The following PCSK2 variants were observed in gnomAD, a reference collection of about 807,000 sequenced individuals.
PCSK2 encodes neuroendocrine convertase 2.
In PCSK2, 14 loss-of-function variants were observed where a neutral mutation model predicts 69.7. That is an observed-to-expected ratio of 0.20 (90% confidence interval 0.13 to 0.31). The LOEUF (loss-of-function observed/expected upper bound fraction) is 0.31, where lower values mean the gene tolerates loss of function less well. PCSK2 is among the 10% of genes least tolerant of loss of function. The probability of loss-of-function intolerance (pLI) is 1.00; values close to 1 mark genes in which losing one functional copy is unlikely to be tolerated. For missense variants in PCSK2, 544 were observed against 842.5 expected, an observed-to-expected ratio of 0.65 and a Z score of 4.39; for synonymous variants, 307 against 320.7, an observed-to-expected ratio of 0.96 and a Z score of 0.46.
At chr20:17,315,928 C>A (rs1486712071) in intron 2 of PCSK2, among the ~76,000 whole-genome samples, 1 of 152,212 alleles carries the variant, frequency 6.6e-6, no homozygotes, top group Non-Finnish European at 1.5e-5. Flanking sequence ...TGCGTCCACT[C>A]CCCAGGGTTA....
Position 17,365,857 on chromosome 20 carries a change from G to T in PCSK2, c.506-3383G>T, listed in dbSNP as rs73255659. Among the ~76,000 whole-genome samples the T allele has an allele frequency of 2.9e-3, 447 of 152,346 alleles. 3 individuals carry two copies. Among genetic ancestry groups the T allele is most frequent in the African/African-American group, 0.01 (429 of 41,588 alleles). ...ACCTTCTGGACACACTGGGGTGGGA[G>T]CTGGGCCTCCAAGGCTCCTAATGAC... On this transcript the variant is annotated intron_variant, in intron 4 of 11. Coordinates refer to ENST00000262545, the MANE Select transcript of PCSK2 (RefSeq NM_002594.5).
chr20:17,279,093 C>A (rs901157819), intron 2 of PCSK2, among the ~76,000 whole-genome samples: 5 of 152,182 alleles, frequency 3.3e-5, no homozygotes, highest in African/African-American at 1.2e-4. Flanking sequence ...CAGGAATTCC[C>A]TGTTGGCTGG....
intron 2 of PCSK2, among the ~76,000 whole-genome samples, chr20:17,327,597 G>A (rs957586262): frequency 2.0e-5 from 3 of 152,122 alleles, no homozygotes; most frequent in African/African-American, 7.2e-5. Context: ...GGACCTGCTC[G>A]CTGCCATGGC....
At chr20:17,452,094 G>T in intron 8 of PCSK2, among the ~76,000 whole-genome samples, 1 of 151,796 alleles carries the variant, frequency 6.6e-6, no homozygotes, top group East Asian at 1.9e-4. Context: ...TGGCCAGGCT[G>T]GTCTCGAACT....
At chr20:17,268,072 A>G (rs994088233) in intron 2 of PCSK2, among the ~76,000 whole-genome samples, 1 of 104,966 alleles carries the variant, frequency 9.5e-6, no homozygotes, top group Non-Finnish European at 2.3e-5. Flanking sequence ...TAATGCATTT[A>G]TATAGCCTCT....
chr20:17,396,544 A>G (rs1478711551), intron 5 of PCSK2, among the ~76,000 whole-genome samples: 1 of 151,988 alleles, frequency 6.6e-6, no homozygotes, highest in Non-Finnish European at 1.5e-5. Flanking sequence ...TCATGACATG[A>G]TAGGGAATGA....
At position 17,456,407 on chromosome 20, in the gene PCSK2, C is replaced by T. The variant is rs17854041; in HGVS notation, c.1161C>T (p.Ala387=). 1.9e-6 allele frequency: 3 copies of T among 1,612,456 alleles called. No homozygotes were observed. Among genetic ancestry groups the T allele is most frequent in the East Asian group, 2.2e-5 (1 of 44,876 alleles). Residue 387 remains alanine, a synonymous_variant, in exon 10 of 12, where the codon GCC becomes GCT. Transcript: ENST00000262545. ...TLRHSGTSAA[A]PEAAGVFALA... ...GGCATTCTGGGACATCTGCAGCTGCCCCCGAGGCAGCTGGTGTGTTTGCAC... is the reference window on the plus strand; with the variant it reads ...GGCATTCTGGGACATCTGCAGCTGCTCCCGAGGCAGCTGGTGTGTTTGCAC...
At chr20:17,431,141 GGAA>G (rs2032357008) in intron 7 of PCSK2, among the ~76,000 whole-genome samples, 1 of 152,114 alleles carries the variant, frequency 6.6e-6, no homozygotes, top group South Asian at 2.1e-4. Context: ...AGGGAGTTGG[GGAA>G]GAAGACAGGA....
At chr20:17,312,000 G>C (rs1344394506) in intron 2 of PCSK2, among the ~76,000 whole-genome samples, 1 of 152,106 alleles carries the variant, frequency 6.6e-6, no homozygotes, top group Non-Finnish European at 1.5e-5. Context: ...ATAAATAGAA[G>C]ATATTCCATT....
chr20:17,352,923 A>T (rs2030042589), intron 2 of PCSK2, among the ~76,000 whole-genome samples: 1 of 152,338 alleles, frequency 6.6e-6, no homozygotes, highest in South Asian at 2.1e-4. Flanking sequence ...GAATGGGAGA[A>T]AATATTTGCA....
chr20:17,329,305 T>C (rs1182209946), intron 2 of PCSK2, among the ~76,000 whole-genome samples: 1 of 152,180 alleles, frequency 6.6e-6, no homozygotes, highest in Non-Finnish European at 1.5e-5. Flanking sequence ...AGATGCTGTG[T>C]TCTACCACTA....
chr20:17,360,775 C>T (rs2123214334), intron 4 of PCSK2, 135 bp downstream of exon 4: 1 of 611,684 alleles, frequency 1.6e-6, no homozygotes, highest in East Asian at 2.8e-5. Context: ...CCACACTGCA[C>T]TGTGCCCAGA....
chr20:17,457,992 C>G (rs550312963), intron 10 of PCSK2, among the ~76,000 whole-genome samples: 2 of 152,318 alleles, frequency 1.3e-5, no homozygotes, highest in South Asian at 4.1e-4. Context: ...ATTCATGGCT[C>G]TGCCTTGATT....
intron 2 of PCSK2, among the ~76,000 whole-genome samples, chr20:17,352,673 T>C (rs1483216399): frequency 6.6e-6 from 1 of 152,226 alleles, no homozygotes; most frequent in Non-Finnish European, 1.5e-5. Flanking sequence ...TGCACCCCTT[T>C]CTTTCACCAT....
chr20:17,319,729 C>T (rs145384472), intron 2 of PCSK2, among the ~76,000 whole-genome samples: 1 of 152,244 alleles, frequency 6.6e-6, no homozygotes, highest in East Asian at 1.9e-4. Context: ...CTACCACAGA[C>T]GTATCCTTGA....
At chr20:17,478,887 T>C (rs979626601) in intron 11 of PCSK2, among the ~76,000 whole-genome samples, 1 of 152,248 alleles carries the variant, frequency 6.6e-6, no homozygotes, top group Non-Finnish European at 1.5e-5. Flanking sequence ...AAATTTTTCG[T>C]ATTTAAATGA....
chr20:17,299,861 A>G (rs1479923533), intron 2 of PCSK2, among the ~76,000 whole-genome samples: 1 of 151,758 alleles, frequency 6.6e-6, no homozygotes, highest in Non-Finnish European at 1.5e-5. Flanking sequence ...AACTTTGGGA[A>G]GTAGAAAAAC....
In PCSK2 at chr20:17,483,474, A is replaced by G. The variant is rs895897362; in HGVS notation, c.*1404A>G. On this transcript the variant is annotated 3_prime_UTR_variant, in exon 12 of 12. Transcript: ENST00000262545. ...AGATTGCTTCTCATCCCCAGTCCCA[A>G]TGCACATCCATTCCCAAGAAATGCT... The G allele has an allele frequency of 6.6e-6, 1 of 152,188 alleles. No homozygotes were observed. Among genetic ancestry groups the G allele is most frequent in the African/African-American group, 2.4e-5 (1 of 41,420 alleles). The allele number at this position is 152,188 out of a possible 1,614,324, so 9.4% of individuals were successfully genotyped here.
intron 4 of PCSK2, among the ~76,000 whole-genome samples, chr20:17,366,477 C>T (rs1022285881): frequency 9.2e-5 from 14 of 152,176 alleles, no homozygotes; most frequent in Admixed American, 5.2e-4. Context: ...CCAGGACCGA[C>T]ACTGTGCCTG....
Sources: allele counts gnomAD v4.1 joint callset (sites outside exome capture counted in the v4.1 genomes callset), GRCh38; gene constraint gnomAD v4.1.1; transcripts MANE v1.5; gene names NCBI Gene and HGNC (gene_info 2026-07-23, HGNC 2026-07-21).